FBXO40: variants seen among roughly 807,000 people sequenced by gnomAD.
The protein encoded by FBXO40 is F-box protein 40.
FBXO40 carries 50 observed loss-of-function variants against 49.9 expected under a neutral mutation model. That is an observed-to-expected ratio of 1.00 (90% CI 0.80 to 1.27). The LOEUF (loss-of-function observed/expected upper bound fraction) is 1.27. Among genes scored for constraint, FBXO40 ranks in the 50% most tolerant of loss-of-function variants. The pLI is 0.00. For synonymous variants in FBXO40, 340 were observed against 320.2 expected (o/e 1.06, Z -0.66); for missense variants, 895 against 870.1 (o/e 1.03, Z -0.36).
intron 3 of FBXO40, among the ~76,000 whole-genome samples, chr3:121,623,776 C>T (rs2049047418): frequency 6.7e-6 from 1 of 149,522 alleles, no homozygotes; most frequent in Non-Finnish European, 1.5e-5. Context: ...ACAACCTCCA[C>T]GTTCCAGGTT....
intron 1 of FBXO40, among the ~76,000 whole-genome samples, chr3:121,608,494 C>T (rs1289011421): frequency 6.6e-6 from 1 of 152,184 alleles, no homozygotes; most frequent in Non-Finnish European, 1.5e-5. Flanking sequence ...TGCTCCATAA[C>T]CTGTATGCAG....
rs1191022948 is a variant in FBXO40 at position 121,622,237 on chromosome 3, C to T, written c.808C>T (p.Gln270Ter). The T allele has an allele frequency of 6.2e-7, 1 of 1,613,970 alleles. No homozygotes were observed. Among genetic ancestry groups the T allele is most frequent in the African/African-American group, 1.3e-5 (1 of 74,926 alleles). ...GGGCGCTCCCAAAAAGAAAGAACCA[C>T]AGGAAAATCAGAAGCAGCAGGACGT... ...GEGAPKKKEP[Q>*]ENQKQQDVRT... is the part of the protein sequence containing the mutation. The change falls in exon 3 of 4, where the codon CAG becomes TAG. Residue 270 changes from glutamine to a stop codon, truncating the protein, a stop_gained. Coordinates refer to ENST00000338040, the MANE Select transcript of FBXO40 (RefSeq NM_016298.4). LOFTEE classifies it high-confidence loss of function.
intron 1 of FBXO40, among the ~76,000 whole-genome samples, chr3:121,617,338 G>C (rs907762012): frequency 3.3e-5 from 5 of 152,164 alleles, no homozygotes; most frequent in African/African-American, 4.8e-5. Context: ...GCTCACACCT[G>C]TAATCCCAGC....
Position 121,627,727 on chromosome 3 carries a change from C to A in FBXO40, c.*817C>A. On this transcript the variant is annotated 3_prime_UTR_variant, in exon 4 of 4. Coordinates refer to ENST00000338040, the MANE Select transcript of FBXO40 (RefSeq NM_016298.4). Reference sequence around the variant, plus strand: ...ATTTTTTTCTTCTGAAAATTATGTTCTGAGTTAGGCAGAACATAGCCATGG... The same window carrying A: ...ATTTTTTTCTTCTGAAAATTATGTTATGAGTTAGGCAGAACATAGCCATGG... 1 of 397,764 alleles carries A rather than the reference C, an allele frequency of 2.5e-6. No individual in the cohort carries two copies. The highest frequency in any genetic ancestry group is 1.4e-4 in the South Asian group (1 of 7,240). The allele number at this position is 397,764 out of a possible 1,614,324, so 24.6% of individuals were successfully genotyped here.
intron 1 of FBXO40, among the ~76,000 whole-genome samples, chr3:121,606,117 G>A (rs1476450456): frequency 2.0e-5 from 3 of 152,226 alleles, no homozygotes; most frequent in African/African-American, 7.2e-5. Flanking sequence ...AGACGACCAG[G>A]AGGAGGATCA....
intron 1 of FBXO40, among the ~76,000 whole-genome samples, chr3:121,601,925 A>G (rs2048903028): frequency 6.6e-6 from 1 of 152,224 alleles, no homozygotes. Flanking sequence ...AATGGAGTGT[A>G]TGCTTAATAG....
chr3:121,610,170 C>T (rs1012986276), intron 1 of FBXO40, among the ~76,000 whole-genome samples: 8 of 152,212 alleles, frequency 5.3e-5, no homozygotes, highest in Admixed American at 3.3e-4. Flanking sequence ...GGGCTTTCTG[C>T]CTGCTAGCTT....
rs1560132174 is a variant in FBXO40, at chr3:121,621,493, C to T, written c.64C>T (p.His22Tyr). The change falls in exon 3 of 4, where the codon CAC (histidine) becomes TAC (tyrosine). Residue 22 changes from histidine to tyrosine, a missense_variant. Physicochemically the swap from His to Tyr is moderately conservative, Grantham distance 83. Coordinates refer to ENST00000338040, the MANE Select transcript of FBXO40 (RefSeq NM_016298.4). ...GCATTGTGAGGGATGCTTCAACCGC[C>T]ACTGCCACATTCCTGTGGAACCCAA... is the stretch of plus-strand genomic sequence containing the variant. ...HRHCEGCFNR[H>Y]CHIPVEPNTS... 3.1e-6 allele frequency: 5 copies of T among 1,614,246 alleles called. No homozygotes were observed. The highest frequency in any genetic ancestry group is 4.2e-6 in the Non-Finnish European group (5 of 1,180,040).
chr3:121,594,904 T>C (rs2048863639), intron 1 of FBXO40, among the ~76,000 whole-genome samples: 1 of 152,240 alleles, frequency 6.6e-6, no homozygotes, highest in Admixed American at 6.5e-5. Flanking sequence ...GTTATAACTT[T>C]AGACAGATAG....
At chr3:121,613,457 A>G (rs2048978499) in intron 1 of FBXO40, among the ~76,000 whole-genome samples, 2 of 152,206 alleles carry the variant, frequency 1.3e-5, no homozygotes, top group African/African-American at 2.4e-5. Context: ...TCCCCTGACA[A>G]AACTATTTCA....
intron 2 of FBXO40, 69 bp downstream of exon 2, chr3:121,620,647 C>G: frequency 6.3e-7 from 1 of 1,586,812 alleles, no homozygotes; most frequent in Non-Finnish European, 8.6e-7. Context: ...TATCCTGTAG[C>G]CCAAGCAGCT....
rs768480743 is a variant in FBXO40, at chr3:121,627,408, G to A, written c.*498G>A. 1.8e-4 allele frequency: 31 copies of A among 170,604 alleles called. No homozygotes were observed. Among genetic ancestry groups the A allele is most frequent in the Non-Finnish European group, 2.9e-4 (23 of 79,764 alleles). 10.6% of individuals were successfully genotyped at this position (170,604 alleles called of 1,614,324 possible). On this transcript the variant is annotated 3_prime_UTR_variant, in exon 4 of 4. Transcript: ENST00000338040. ...GCTCTGGAGCTGGGTCTGTTTTGAC[G>A]GTCAAGTCCAGGGCTCATTTTGGTT...
intron 1 of FBXO40, among the ~76,000 whole-genome samples, chr3:121,595,987 C>G (rs1445613693): frequency 2.0e-5 from 3 of 152,142 alleles, no homozygotes; most frequent in African/African-American, 4.8e-5. Context: ...GAGAGGGCCC[C>G]TTGCCTAAAA....
chr3:121,597,021 C>T (rs140946956), intron 1 of FBXO40, among the ~76,000 whole-genome samples: 10 of 152,190 alleles, frequency 6.6e-5, no homozygotes, highest in East Asian at 5.8e-4. Flanking sequence ...GTTGATATTC[C>T]GGTCAGACCT....
intron 1 of FBXO40, among the ~76,000 whole-genome samples, chr3:121,599,271 C>G (rs1401946599): frequency 6.6e-6 from 1 of 151,962 alleles, no homozygotes; most frequent in African/African-American, 2.4e-5. Context: ...AGTTTGAGAC[C>G]AGCCTGGCCA....
At chr3:121,594,452 C>T (rs1417149761) in intron 1 of FBXO40, among the ~76,000 whole-genome samples, 1 of 152,164 alleles carries the variant, frequency 6.6e-6, no homozygotes, top group African/African-American at 2.4e-5. Flanking sequence ...CCACCCGCTT[C>T]GGCCTCCCAA....
At chr3:121,603,323 A>G (rs1453595879) in intron 1 of FBXO40, among the ~76,000 whole-genome samples, 1 of 152,232 alleles carries the variant, frequency 6.6e-6, no homozygotes. Flanking sequence ...CCTCAGCAAG[A>G]GGAGGAGCAC....
rs371355210 is a variant in FBXO40 at position 121,623,987 on chromosome 3, C to CTTT, written c.1914+660_1914+662dup. Among the ~76,000 whole-genome samples the CTTT allele has an allele frequency of 1.5e-3, 145 of 96,026 alleles. 4 individuals are homozygous for CTTT. Among genetic ancestry groups the CTTT allele is most frequent in the East Asian group, 3.1e-3 (10 of 3,184 alleles). The allele number at this position is 96,026 out of a possible 152,430, so 63.0% of individuals were successfully genotyped here. A position where few individuals can be genotyped will look rare whatever the true frequency, so the allele number is the denominator to read the frequency against. On this transcript the variant is annotated intron_variant, in intron 3 of 3. Coordinates refer to ENST00000338040, the MANE Select transcript of FBXO40 (RefSeq NM_016298.4). ...ACAGGCGTGAGCCACTGCACCTGGC[C>CTTT]TTTTTTTTTTTTTTTTTTCTGAGAT... is the stretch of plus-strand genomic sequence containing the variant.
Position 121,623,271 on chromosome 3 carries a change from A to G in FBXO40, c.1842A>G (p.Arg614=). ...TCTGTGCCACTTTGTTACAAGAGAG[A>G]GGAATGGTCCTTTTGCAATGGAAGA... ...RNICATLLQE[R]GMVLLQWKKK... The change falls in exon 3 of 4, where the codon AGA becomes AGG. Residue 614 remains arginine (R), a synonymous_variant. Transcript: ENST00000338040. 1 of 1,614,200 alleles carries G rather than the reference A, an allele frequency of 6.2e-7. No homozygotes were observed. Among genetic ancestry groups the G allele is most frequent in the Non-Finnish European group, 8.5e-7 (1 of 1,180,038 alleles).
Sources: allele counts gnomAD v4.1 joint callset (sites outside exome capture counted in the v4.1 genomes callset), GRCh38; gene constraint gnomAD v4.1.1; transcripts MANE v1.5; gene names NCBI Gene and HGNC (gene_info 2026-07-23, HGNC 2026-07-21).